SPATA45: variants seen among roughly 807,000 people sequenced by gnomAD.
SPATA45 encodes the protein spermatogenesis-associated protein 45.
In SPATA45, 5 loss-of-function variants were observed where a neutral mutation model predicts 7.0. That is an observed-to-expected ratio of 0.71 (90% confidence interval 0.37 to 1.50). The LOEUF (loss-of-function observed/expected upper bound fraction) is 1.50. Ranked by LOEUF, SPATA45 falls within the 40% of genes most tolerant of loss-of-function variation. The pLI, the probability that SPATA45 is intolerant of heterozygous loss-of-function variation, is 0.03. For missense variants in SPATA45, 111 were observed against 114.9 expected (o/e 0.97, Z 0.16); for synonymous variants, 40 against 38.7 (o/e 1.03, Z -0.13).
chr1:212,840,279 G>C (rs538203836), intron 1 of SPATA45, among the ~76,000 whole-genome samples: 1 of 151,704 alleles, frequency 6.6e-6, no homozygotes, highest in Admixed American at 6.6e-5. Flanking sequence ...GCGTGGTGGC[G>C]CGCACCTGTA....
intron 1 of SPATA45, among the ~76,000 whole-genome samples, chr1:212,839,519 G>A (rs1192745700): frequency 6.6e-6 from 1 of 151,226 alleles, no homozygotes; most frequent in Non-Finnish European, 1.5e-5. Context: ...TCAGGAGGCT[G>A]AGGTGGAAGG....
intron 1 of SPATA45, among the ~76,000 whole-genome samples, chr1:212,845,019 A>T (rs1663766507): frequency 6.6e-6 from 1 of 152,122 alleles, no homozygotes; most frequent in African/African-American, 2.4e-5. Context: ...CACCCCACTG[A>T]AACTTCCACC....
intron 2 of SPATA45, among the ~76,000 whole-genome samples, chr1:212,834,954 T>C (rs1336520421): frequency 6.6e-6 from 1 of 151,592 alleles, no homozygotes; most frequent in Non-Finnish European, 1.5e-5. Flanking sequence ...AGCATCACCT[T>C]AGTCTGCTGA....
At position 212,831,154 on chromosome 1, in the gene SPATA45, A is replaced by T. The variant is rs1035552730; in HGVS notation, c.278-893T>A. ...GAGTGAGACTCCGTCTCAATAAATT[A>T]AAAAAAAAAAAAGAAAGAAAGAAAC... On this transcript the variant is annotated intron_variant, in intron 2 of 2. Transcript: ENST00000332912. 5.5e-5 allele frequency among the ~76,000 whole-genome samples: 4 copies of T among 72,774 alleles called. 1 individual carries two copies. The highest frequency in any genetic ancestry group is 4.4e-5 in the Non-Finnish European group (1 of 22,678). 47.7% of individuals were successfully genotyped at this position (72,774 alleles called of 152,430 possible). A position where few individuals can be genotyped will look rare whatever the true frequency, so the allele number is the denominator to read the frequency against.
At chr1:212,838,470 G>A (rs7524203) in intron 1 of SPATA45, among the ~76,000 whole-genome samples, 1 of 151,280 alleles carries the variant, frequency 6.6e-6, no homozygotes, top group South Asian at 2.1e-4. Flanking sequence ...TATGCTGCTA[G>A]TGAGAATGTA....
At chr1:212,843,212 C>G (rs1458466820) in intron 1 of SPATA45, among the ~76,000 whole-genome samples, 5 of 151,642 alleles carry the variant, frequency 3.3e-5, no homozygotes, top group Non-Finnish European at 7.4e-5. Flanking sequence ...ATTGCTTGAA[C>G]TCCAGCGGCA....
At chr1:212,846,391 C>T (rs1279470807) in intron 1 of SPATA45, among the ~76,000 whole-genome samples, 1 of 152,114 alleles carries the variant, frequency 6.6e-6, no homozygotes, top group Non-Finnish European at 1.5e-5. Context: ...AATGTCAGGC[C>T]TCTGAGCCCA....
intron 1 of SPATA45, among the ~76,000 whole-genome samples, chr1:212,840,679 G>A (rs894108522): frequency 2.0e-5 from 3 of 151,992 alleles, no homozygotes; most frequent in African/African-American, 4.8e-5. Flanking sequence ...GTGCAGGGGC[G>A]CGATCTTGGC....
chr1:212,839,792 C>T (rs1165905450), intron 1 of SPATA45, among the ~76,000 whole-genome samples: 1 of 151,392 alleles, frequency 6.6e-6, no homozygotes, highest in Non-Finnish European at 1.5e-5. Flanking sequence ...TGATGCTTTC[C>T]TGGGTGTATG....
chr1:212,843,096 A>AACACACAC (rs1250250169), intron 1 of SPATA45, among the ~76,000 whole-genome samples: 6 of 56,718 alleles, frequency 1.1e-4, no homozygotes, highest in South Asian at 7.0e-4. Flanking sequence ...GACTCCGTCA[A>AACACACAC]ACATACACAC....
At chr1:212,831,949 C>T (rs561065479) in intron 2 of SPATA45, among the ~76,000 whole-genome samples, 2 of 151,164 alleles carry the variant, frequency 1.3e-5, no homozygotes, top group South Asian at 2.1e-4. Flanking sequence ...CTATCCCCCA[C>T]CCTGCTGTTT....
intron 1 of SPATA45, among the ~76,000 whole-genome samples, chr1:212,846,811 G>A (rs1180101122): frequency 2.0e-5 from 3 of 152,184 alleles, no homozygotes; most frequent in African/African-American, 7.2e-5. Context: ...GTGACAAAAG[G>A]GGCTTTGAAG....
Position 212,835,697 on chromosome 1 carries a change from G to A in SPATA45, c.277+176C>T, listed in dbSNP as rs757795317. On this transcript the variant is annotated intron_variant, in intron 2 of 2. Transcript: ENST00000332912. ...AAAAATACAAAAAAATTAGCCAGGC[G>A]TGGTGGCAGGTGCCTGTATTCCCAG... 6.6e-5 allele frequency among the ~76,000 whole-genome samples: 10 copies of A among 150,858 alleles called. 1 individual carries two copies. Among genetic ancestry groups the A allele is most frequent in the Non-Finnish European group, 7.4e-5 (5 of 67,544 alleles).
intron 1 of SPATA45, 110 bp from the exon 2 acceptor site, chr1:212,836,297 C>A (rs1663583468): frequency 2.5e-6 from 2 of 812,372 alleles, no homozygotes; most frequent in Admixed American, 2.7e-5. Flanking sequence ...AACACCACAA[C>A]CACCACCAAG....
chr1:212,836,144 T>C lies in SPATA45; in HGVS notation c.6A>G (p.Ala2=), dbSNP rs1330387600. ...TTATTTCAATGGTTCTGTTTATAGATGCCATTATGGTCACAAACCAATTGT... is the reference window on the plus strand; with the variant it reads ...TTATTTCAATGGTTCTGTTTATAGACGCCATTATGGTCACAAACCAATTGT... M[A]SINRTIEIMK... The change falls in exon 2 of 3, where the codon GCA becomes GCG. Residue 2 remains alanine (A), a synonymous_variant. Coordinates refer to ENST00000332912, the MANE Select transcript of SPATA45 (RefSeq NM_001024601.3). 6.2e-7 allele frequency: 1 copy of C among 1,601,514 alleles called. No homozygotes were observed. Among genetic ancestry groups the C allele is most frequent in the Admixed American group, 1.7e-5 (1 of 59,654 alleles).
intron 1 of SPATA45, among the ~76,000 whole-genome samples, chr1:212,841,631 CTTTTTTTT>C (rs5780702): frequency 1.6e-5 from 2 of 125,224 alleles, no homozygotes; most frequent in African/African-American, 5.9e-5. Context: ...AGGTATCTTT[CTTTTTTTT>C]TTTTTTTTTT....
chr1:212,839,776 T>C (rs539996919), intron 1 of SPATA45, among the ~76,000 whole-genome samples: 11 of 151,744 alleles, frequency 7.2e-5, no homozygotes, highest in African/African-American at 2.7e-4. Flanking sequence ...ATTATCTTAA[T>C]TGTGGTGATG....
chr1:212,844,636 A>T (rs1260631792), intron 1 of SPATA45, among the ~76,000 whole-genome samples: 2 of 151,990 alleles, frequency 1.3e-5, no homozygotes. Context: ...CCCCTCCACT[A>T]TGTCTCAGTA....
At chr1:212,840,381 G>A (rs936659808) in intron 1 of SPATA45, among the ~76,000 whole-genome samples, 3 of 152,136 alleles carry the variant, frequency 2.0e-5, no homozygotes, top group African/African-American at 7.2e-5. Context: ...TTGCACCCCA[G>A]CCTGGGCAGC....
Sources: gnomAD v4.1 joint callset for allele counts (sites outside exome capture counted in the v4.1 genomes callset) on GRCh38, gnomAD v4.1.1 for gene constraint, MANE v1.5 for transcripts, NCBI Gene and HGNC (gene_info 2026-07-23, HGNC 2026-07-21) for gene names.